SERF2: variants seen among roughly 807,000 people sequenced by gnomAD.
The protein encoded by SERF2 is gastric cancer-related protein VRG107.
In SERF2, 4 loss-of-function variants were observed where a neutral mutation model predicts 10.7. That is an observed-to-expected ratio of 0.37 (90% CI 0.18 to 0.86). The LOEUF is 0.86. SERF2 is among the 40% of genes least tolerant of loss of function. SERF2 has a pLI of 0.43. For missense variants in SERF2, 47 were observed against 79.1 expected, an observed-to-expected ratio of 0.59 and a Z score of 1.54; for synonymous variants, 26 against 26.0, an observed-to-expected ratio of 1.00 and a Z score of 0.01.
At chr15:43,786,030 T>A (rs2087004033) in intron 2 of SERF2, among the ~76,000 whole-genome samples, 1 of 151,800 alleles carries the variant, frequency 6.6e-6, no homozygotes, top group African/African-American at 2.4e-5. Context: ...TCTGCTTGTG[T>A]TTTTTTGGGG....
At chr15:43,791,920 C>T (rs1427603219), upstream of SERF2, 1 of 216,886 alleles carries the variant, frequency 4.6e-6, no homozygotes, top group African/African-American at 2.2e-5. Flanking sequence ...TAGTAGAGTA[C>T]TCGTAACACA....
At chr15:43,789,614 T>C (rs2087036170), upstream of SERF2, among the ~76,000 whole-genome samples, 1 of 152,200 alleles carries the variant, frequency 6.6e-6, no homozygotes, top group Non-Finnish European at 1.5e-5. Context: ...GACATCTGTT[T>C]TTATGGGTCA....
At chr15:43,786,414 C>CA (rs1190326241) in intron 2 of SERF2, among the ~76,000 whole-genome samples, 17,085 of 68,538 alleles carry the variant, frequency 0.25, 1,940 homozygotes, top group East Asian at 0.41. Flanking sequence ...GACTCTGTCT[C>CA]AAAAAAAAAA....
intron 1 of SERF2, chr15:43,792,742 A>T (rs2087094867): frequency 3.7e-6 from 3 of 818,544 alleles, no homozygotes; most frequent in South Asian, 3.9e-5. Flanking sequence ...GCCCCAAAAC[A>T]CGCCTCCAGC....
chr15:43,795,367 C>G lies in SERF2; in HGVS notation c.*1594C>G. On this transcript the variant is annotated 3_prime_UTR_variant, in exon 3 of 3. Coordinates refer to ENST00000249786, the MANE Select transcript of SERF2 (RefSeq NM_001018108.4). The stretch of plus-strand genomic sequence containing the variant: ...AATAGCTAGCTCTTCAGGAGAGTAT[C>G]TAAGGCCCACTCCATCTTACCTGAA... 6.2e-7 allele frequency: 1 copy of G among 1,613,850 alleles called. No homozygotes were observed. The highest frequency in any genetic ancestry group is 8.5e-7 in the Non-Finnish European group (1 of 1,179,792).
At chr15:43,792,631 C>G in intron 1 of SERF2, 4 of 1,420,814 alleles carry the variant, frequency 2.8e-6, no homozygotes, top group Non-Finnish European at 3.7e-6. Context: ...AGGCCAGCGC[C>G]CCTGTGATAG....
exon 1 of SERF2, chr15:43,777,161 G>A (rs2086926792): frequency 1.5e-6 from 1 of 661,996 alleles, no homozygotes; most frequent in South Asian, 1.5e-5. Flanking sequence ...TTGGGCTATC[G>A]GAAGAGCTAT....
rs184140087 is a variant in SERF2, at chr15:43,785,349, G to A, written c.-526-61G>A. 6.0e-3 allele frequency: 914 copies of A among 152,038 alleles called. 5 individuals carry two copies. Among genetic ancestry groups the A allele is most frequent in the Non-Finnish European group, 8.7e-3 (591 of 68,014 alleles). The allele number at this position is 152,038 out of a possible 1,614,324, so 9.4% of individuals were successfully genotyped here. A position where few individuals can be genotyped will look rare whatever the true frequency, so the allele number is the denominator to read the frequency against. ...CTCCCAAAGTGCTGGGATTACAGGCGTGATCCACCGCGCCCCGCCTGAATG... is the reference window on the plus strand; with the variant it reads ...CTCCCAAAGTGCTGGGATTACAGGCATGATCCACCGCGCCCCGCCTGAATG... On this transcript the variant is annotated intron_variant, in intron 1 of 4. Coordinates refer to the SERF2 transcript ENST00000381359.
Position 43,794,832 on chromosome 15 carries a change from A to C in SERF2, c.*1059A>C, listed in dbSNP as rs931019896. ...CTCCAGTGAGTCAGACACTCTGCCC[A>C]GCACATTAGACTGTGTTTGACCACT... is the stretch of plus-strand genomic sequence containing the variant. On this transcript the variant is annotated 3_prime_UTR_variant, in exon 3 of 3. Coordinates refer to ENST00000249786, the MANE Select transcript of SERF2 (RefSeq NM_001018108.4). 1.6e-6 allele frequency: 1 copy of C among 608,574 alleles called. No homozygotes were observed. The highest frequency in any genetic ancestry group is 2.9e-6 in the Non-Finnish European group (1 of 345,324). The allele number at this position is 608,574 out of a possible 1,614,324, so 37.7% of individuals were successfully genotyped here.
intron 2 of SERF2, among the ~76,000 whole-genome samples, chr15:43,785,892 G>T (rs1444369642): frequency 6.6e-6 from 1 of 151,250 alleles, no homozygotes; most frequent in Admixed American, 6.6e-5. Flanking sequence ...TTTTAGTAGG[G>T]ACTGGGTTTC....
In SERF2 at chr15:43,792,957, T is replaced by A. The variant is rs1310379373; in HGVS notation, c.8-18T>A. 4 of 1,581,310 alleles carry A rather than the reference T, an allele frequency of 2.5e-6. No individual in the cohort carries two copies. Among genetic ancestry groups the A allele is most frequent in the Non-Finnish European group, 2.6e-6 (3 of 1,157,882 alleles). On this transcript the variant is annotated intron_variant, in intron 1 of 2. Coordinates refer to ENST00000249786, the MANE Select transcript of SERF2 (RefSeq NM_001018108.4). ...GCAGAGCGGCCCCCGCGTCTCACCT[T>A]TAATTTTCTTTCCTTAGGCGGTAAC...
rs938551117 is a variant in SERF2 at position 43,795,934 on chromosome 15, G to C, written c.*2161G>C. The C allele has an allele frequency of 3.1e-6, 2 of 648,334 alleles. No homozygotes were observed. The highest frequency in any genetic ancestry group is 5.9e-5 in the Admixed American group (2 of 33,652). The allele number at this position is 648,334 out of a possible 1,614,324, so 40.2% of individuals were successfully genotyped here. On this transcript the variant is annotated 3_prime_UTR_variant, in exon 3 of 3. Coordinates refer to ENST00000249786, the MANE Select transcript of SERF2 (RefSeq NM_001018108.4). The stretch of plus-strand genomic sequence containing the variant: ...CTTTTGTGCCTCGATTTCTCCATTT[G>C]TAAAATGGAGCAAATACCTACCTCA...
chr15:43,792,399 C>T lies in SERF2; in HGVS notation c.7+16C>T, dbSNP rs759210231. The T allele has an allele frequency of 1.4e-5, 23 of 1,613,814 alleles. 1 individual carries two copies. Among genetic ancestry groups the T allele is most frequent in the South Asian group, 1.2e-4 (11 of 91,076 alleles). On this transcript the variant is annotated intron_variant, in intron 1 of 2. Coordinates refer to ENST00000249786, the MANE Select transcript of SERF2 (RefSeq NM_001018108.4). ...GCCATGACCCGTGAGCACCGAGCCCCCTTCTCCTTGCCCTTTTCTTTCCGT... is the reference window on the plus strand; with the variant it reads ...GCCATGACCCGTGAGCACCGAGCCCTCTTCTCCTTGCCCTTTTCTTTCCGT...
intron 1 of SERF2, among the ~76,000 whole-genome samples, chr15:43,783,324 G>A (rs1436532086): frequency 6.7e-6 from 1 of 149,196 alleles, no homozygotes; most frequent in East Asian, 2.0e-4. Context: ...TTTTGAGACA[G>A]TCTCACTCTG....
At position 43,795,616 on chromosome 15, in the gene SERF2, A is replaced by G; in HGVS notation, c.*1843A>G. On this transcript the variant is annotated 3_prime_UTR_variant, in exon 3 of 3. Coordinates refer to ENST00000249786, the MANE Select transcript of SERF2 (RefSeq NM_001018108.4). ...CCCCTCTCCCCCAACTACCTTTGTT[A>G]AGGCTCTTGAGGGTTCTTATGGCAC... 1 of 1,611,174 alleles carries G rather than the reference A, an allele frequency of 6.2e-7. No individual in the cohort carries two copies. Among genetic ancestry groups the G allele is most frequent in the Non-Finnish European group, 8.5e-7 (1 of 1,177,628 alleles).
rs772373888 is a variant in SERF2 at position 43,792,392 on chromosome 15, C to G, written c.7+9C>G. 5.0e-6 allele frequency: 8 copies of G among 1,613,792 alleles called. No homozygotes were observed. Among genetic ancestry groups the G allele is most frequent in the South Asian group, 3.3e-5 (3 of 91,072 alleles). On this transcript the variant is annotated intron_variant, in intron 1 of 2. Transcript: ENST00000249786. Reference sequence around the variant, plus strand: ...TGCCGTCGCCATGACCCGTGAGCACCGAGCCCCCTTCTCCTTGCCCTTTTC... The same window carrying G: ...TGCCGTCGCCATGACCCGTGAGCACGGAGCCCCCTTCTCCTTGCCCTTTTC...
chr15:43,783,310 T>C (rs950134207), intron 1 of SERF2, among the ~76,000 whole-genome samples: 2 of 141,764 alleles, frequency 1.4e-5, no homozygotes, highest in African/African-American at 5.3e-5. Context: ...CTGGCCAACT[T>C]TTTTTTTGAG....
chr15:43,789,953 C>A (rs149460283), upstream of SERF2, among the ~76,000 whole-genome samples: 1 of 151,990 alleles, frequency 6.6e-6, no homozygotes, highest in African/African-American at 2.4e-5. Flanking sequence ...CCAGCCTGAC[C>A]AACATGGTTA....
At chr15:43,790,376 GAGGCAGAC>G (rs1258965086), upstream of SERF2, among the ~76,000 whole-genome samples, 6 of 152,090 alleles carry the variant, frequency 3.9e-5, no homozygotes, top group Non-Finnish European at 8.8e-5. Flanking sequence ...TAGAGAGAGA[GAGGCAGAC>G]AGGGAGAGGG....
Sources: allele counts gnomAD v4.1 joint callset (sites outside exome capture counted in the v4.1 genomes callset), GRCh38; gene constraint gnomAD v4.1.1; transcripts MANE v1.5; gene names NCBI Gene and HGNC (gene_info 2026-07-23, HGNC 2026-07-21).